TMEM178B: variants seen among roughly 807,000 people sequenced by gnomAD.
TMEM178B encodes transmembrane protein 178B.
Under a neutral mutation model 31.0 loss-of-function variants are expected in TMEM178B, and 5 were observed. The ratio of observed to expected loss-of-function variants is 0.16; its 90% CI spans 0.08 to 0.34. The LOEUF (loss-of-function observed/expected upper bound fraction) is 0.34, where lower values mean the gene tolerates loss of function less well. Among genes scored for constraint, TMEM178B ranks in the 10% least tolerant of loss-of-function variants. TMEM178B has a pLI of 1.00. For missense variants in TMEM178B, 275 were observed against 400.3 expected, an observed-to-expected ratio of 0.69 and a Z score of 2.67; for synonymous variants, 164 against 164.0, an observed-to-expected ratio of 1.00 and a Z score of 0.00.
chr7:141,084,793 T>C (rs141563568), intron 1 of TMEM178B, among the ~76,000 whole-genome samples: 1 of 152,206 alleles, frequency 6.6e-6, no homozygotes, highest in Non-Finnish European at 1.5e-5. Flanking sequence ...AGAGATCGTA[T>C]ATTCATGATG....
intron 2 of TMEM178B, among the ~76,000 whole-genome samples, chr7:141,322,890 G>A: frequency 6.6e-6 from 1 of 152,158 alleles, no homozygotes; most frequent in Non-Finnish European, 1.5e-5. Context: ...TGAGGTTGGG[G>A]TTCAAGAAAC....
intron 1 of TMEM178B, among the ~76,000 whole-genome samples, chr7:141,200,390 G>GT (rs1167913902): frequency 3.9e-5 from 6 of 151,942 alleles, no homozygotes; most frequent in Non-Finnish European, 4.4e-5. Context: ...CTGAGAGGTG[G>GT]TTTTTTTAGT....
intron 1 of TMEM178B, among the ~76,000 whole-genome samples, chr7:141,145,808 G>A (rs1047889530): frequency 2.6e-5 from 4 of 152,310 alleles, no homozygotes; most frequent in Admixed American, 2.0e-4. Context: ...GAGCTGCTAC[G>A]TGCTGAGCTG....
chr7:141,390,337 C>T (rs906832885), intron 2 of TMEM178B, among the ~76,000 whole-genome samples: 1 of 152,250 alleles, frequency 6.6e-6, no homozygotes, highest in African/African-American at 2.4e-5. Flanking sequence ...GGCCTACACT[C>T]TTCTACTATG....
At chr7:141,102,185 G>A (rs535929198) in intron 1 of TMEM178B, among the ~76,000 whole-genome samples, 1 of 152,134 alleles carries the variant, frequency 6.6e-6, no homozygotes, top group Non-Finnish European at 1.5e-5. Flanking sequence ...GACTATTAAA[G>A]GGTTCAGCCA....
At chr7:141,487,970 C>T in the TMEM178B span, among the ~76,000 whole-genome samples, 1 of 151,872 alleles carries the variant, frequency 6.6e-6, no homozygotes, top group East Asian at 1.9e-4. Flanking sequence ...TGGGTGTTTA[C>T]CACCATAATT....
intron 1 of TMEM178B, among the ~76,000 whole-genome samples, chr7:141,167,124 C>T (rs1796274719): frequency 6.6e-6 from 1 of 152,180 alleles, no homozygotes. Flanking sequence ...GGGTGTTGAC[C>T]TATGTGATCT....
intron 1 of TMEM178B, among the ~76,000 whole-genome samples, chr7:141,128,706 AG>A (rs1216583241): frequency 3.9e-5 from 6 of 152,300 alleles, no homozygotes; most frequent in African/African-American, 1.4e-4. Context: ...GAGGAACTGA[AG>A]TCAGACATTG....
At chr7:141,360,340 A>G (rs964748448) in intron 2 of TMEM178B, among the ~76,000 whole-genome samples, 2 of 151,600 alleles carry the variant, frequency 1.3e-5, no homozygotes, top group Non-Finnish European at 2.9e-5. Context: ...TCTCATAGAA[A>G]CTCCTTTTCT....
At chr7:141,233,298 TCAAA>T (rs1431018998) in intron 2 of TMEM178B, among the ~76,000 whole-genome samples, 3 of 152,208 alleles carry the variant, frequency 2.0e-5, no homozygotes, top group Non-Finnish European at 4.4e-5. Flanking sequence ...ATTTCTTTAA[TCAAA>T]CAAAGAATGT....
intron 2 of TMEM178B, among the ~76,000 whole-genome samples, chr7:141,300,320 C>T (rs1454471412): frequency 1.3e-5 from 2 of 152,162 alleles, no homozygotes; most frequent in Non-Finnish European, 2.9e-5. Flanking sequence ...TTCTGTTCAG[C>T]TGCTTGTAGG....
intron 2 of TMEM178B, among the ~76,000 whole-genome samples, chr7:141,239,330 G>A (rs1487604963): frequency 1.3e-5 from 2 of 152,148 alleles, no homozygotes; most frequent in Non-Finnish European, 2.9e-5. Flanking sequence ...AGGCAGGGGA[G>A]CGGGACTGGT....
chr7:141,240,408 T>C (rs1273442320), intron 2 of TMEM178B, among the ~76,000 whole-genome samples: 2 of 152,246 alleles, frequency 1.3e-5, no homozygotes, highest in African/African-American at 4.8e-5. Flanking sequence ...TCTGCTACAG[T>C]GTTTACTGAT....
intron 1 of TMEM178B, among the ~76,000 whole-genome samples, chr7:141,200,060 AT>A (rs1796851463): frequency 6.6e-6 from 1 of 151,746 alleles, no homozygotes; most frequent in South Asian, 2.1e-4. Context: ...CAAAAAAAAA[AT>A]TTGTAGACAG....
intron 2 of TMEM178B, among the ~76,000 whole-genome samples, chr7:141,216,657 C>T (rs958946593): frequency 1.8e-4 from 27 of 152,008 alleles, no homozygotes; most frequent in Admixed American, 1.8e-3. Flanking sequence ...TAGGTGATTG[C>T]TGGTGGGTAC....
At chr7:141,122,081 G>A (rs1261416874) in intron 1 of TMEM178B, among the ~76,000 whole-genome samples, 3 of 152,144 alleles carry the variant, frequency 2.0e-5, no homozygotes, top group Non-Finnish European at 4.4e-5. Context: ...CCAATTAGAA[G>A]TCTGTTATTA....
chr7:141,472,697 C>G lies in TMEM178B; in HGVS notation c.*1911C>G, dbSNP rs1162492031. The G allele has an allele frequency of 2.0e-5, 3 of 152,398 alleles. No homozygotes were observed. In the East Asian group the frequency reaches 5.8e-4, roughly 29 times the overall value. The allele number at this position is 152,398 out of a possible 1,614,324, so 9.4% of individuals were successfully genotyped here. ...GTAATCTGTTTCATTTACACGTCTT[C>G]CAACCCATCTTCCTACCACTCTCCT... On this transcript the variant is annotated 3_prime_UTR_variant, in exon 4 of 4. Transcript: ENST00000565468.
intron 2 of TMEM178B, among the ~76,000 whole-genome samples, chr7:141,348,276 C>T (rs186041231): frequency 5.6e-4 from 86 of 152,260 alleles, no homozygotes; most frequent in Non-Finnish European, 9.9e-4. Context: ...TGTAATAAAG[C>T]CCAAATTGTG....
At chr7:141,122,345 A>C (rs1423176732) in intron 1 of TMEM178B, among the ~76,000 whole-genome samples, 20 of 152,224 alleles carry the variant, frequency 1.3e-4, no homozygotes. Flanking sequence ...AATGCAGGCT[A>C]TTCAGACACT....
Sources: allele counts gnomAD v4.1 joint callset (sites outside exome capture counted in the v4.1 genomes callset), GRCh38; gene constraint gnomAD v4.1.1; transcripts MANE v1.5; gene names NCBI Gene and HGNC (gene_info 2026-07-23, HGNC 2026-07-21).